LINGO2: variants seen among roughly 807,000 people sequenced by gnomAD.
LINGO2 encodes the protein leucine-rich repeat and immunoglobulin-like domain-containing nogo receptor-interacting protein 2.
Under a neutral mutation model 30.6 loss-of-function variants are expected in LINGO2, and 14 were observed. The observed-to-expected ratio is 0.46, with a 90% confidence interval of 0.30 to 0.72. The LOEUF is 0.72. Ranked by LOEUF, LINGO2 falls within the 30% of genes least tolerant of loss-of-function variation. LINGO2 has a pLI of 0.07. For missense variants in LINGO2, 729 were observed against 751.7 expected (o/e 0.97, Z 0.35); for synonymous variants, 317 against 288.5 (o/e 1.10, Z -1.00).
chr9:29,073,433 A>G, the LINGO2 span, among the ~76,000 whole-genome samples: 1 of 152,172 alleles, frequency 6.6e-6, no homozygotes, highest in Admixed American at 6.6e-5. Flanking sequence ...AAGTCACGGG[A>G]CAAATTCAAC....
At chr9:28,429,596 C>T (rs928241980) in intron 2 of LINGO2, among the ~76,000 whole-genome samples, 1 of 152,096 alleles carries the variant, frequency 6.6e-6, no homozygotes, top group African/African-American at 2.4e-5. Context: ...AGTTGAGACA[C>T]CTGAAATGCT....
the LINGO2 span, among the ~76,000 whole-genome samples, chr9:28,734,946 C>A: frequency 6.6e-6 from 1 of 151,980 alleles, no homozygotes; most frequent in Non-Finnish European, 1.5e-5. Context: ...TTTAAAAATT[C>A]TTTTTGTGTT....
chr9:29,022,812 TATCA>T, the LINGO2 span, among the ~76,000 whole-genome samples: 2 of 152,134 alleles, frequency 1.3e-5, no homozygotes, highest in African/African-American at 2.4e-5. Context: ...TAACAGCACT[TATCA>T]AGGCATTGTT....
upstream of LINGO2, among the ~76,000 whole-genome samples, chr9:28,670,514 C>T (rs187095677): frequency 3.9e-5 from 6 of 152,238 alleles, no homozygotes; most frequent in Non-Finnish European, 8.8e-5. Context: ...TACTGCAAAA[C>T]ATCAAACCAC....
At chr9:28,364,724 A>G (rs576381445) in intron 3 of LINGO2, among the ~76,000 whole-genome samples, 2 of 152,358 alleles carry the variant, frequency 1.3e-5, no homozygotes, top group East Asian at 3.9e-4. Context: ...TAATTCAACA[A>G]GAAAAGAGTC....
intron 3 of LINGO2, among the ~76,000 whole-genome samples, chr9:28,365,349 G>A (rs1247885672): frequency 1.3e-5 from 2 of 152,138 alleles, no homozygotes; most frequent in African/African-American, 4.8e-5. Context: ...ATGCTAAAGA[G>A]CCTGGAATTA....
chr9:28,743,923 T>C, the LINGO2 span, among the ~76,000 whole-genome samples: 5 of 151,690 alleles, frequency 3.3e-5, no homozygotes, highest in Non-Finnish European at 7.4e-5. Context: ...TCTCTTCTTA[T>C]GGTACTTCTG....
intron 5 of LINGO2, among the ~76,000 whole-genome samples, chr9:27,992,503 C>CA (rs570618177): frequency 1.3e-5 from 2 of 150,310 alleles, no homozygotes; most frequent in African/African-American, 2.4e-5. Context: ...AAGGAAAAGC[C>CA]AAAAAAAATT....
intron 4 of LINGO2, among the ~76,000 whole-genome samples, chr9:28,237,450 C>T (rs1821614507): frequency 6.6e-6 from 1 of 152,028 alleles, no homozygotes; most frequent in Non-Finnish European, 1.5e-5. Flanking sequence ...TTATCTGTCA[C>T]TCAATAATAA....
rs1333054060 is a variant in LINGO2, at chr9:28,616,266, TAGTA to T, written c.-365+53930_-365+53933del. Among the ~76,000 whole-genome samples the T allele has an allele frequency of 3.9e-5, 6 of 152,322 alleles. No individual in the cohort carries two copies. In the South Asian group the frequency reaches 1.2e-3, roughly 32 times the overall value. On this transcript the variant is annotated intron_variant, in intron 1 of 5. Transcript: ENST00000379992. ...TATAGTTACCAAAATATACTCTTTC[TAGTA>T]AGTCAACAATAAGCAAAGGAAAGAT...
intron 1 of LINGO2, among the ~76,000 whole-genome samples, chr9:28,523,953 G>A (rs1417290430): frequency 6.6e-6 from 1 of 151,226 alleles, no homozygotes; most frequent in African/African-American, 2.4e-5. Context: ...TGGAAATACA[G>A]GGGATTCAGA....
the LINGO2 span, among the ~76,000 whole-genome samples, chr9:28,801,751 G>T: frequency 1.3e-5 from 2 of 151,978 alleles, no homozygotes; most frequent in African/African-American, 2.4e-5. Context: ...GGAGGATAAG[G>T]GTATGTTAGA....
chr9:29,081,984 G>A, the LINGO2 span, among the ~76,000 whole-genome samples: 55 of 152,196 alleles, frequency 3.6e-4, no homozygotes, highest in African/African-American at 1.1e-3. Context: ...AAACAATATC[G>A]TGAAAATGGC....
chr9:28,797,523 C>T, the LINGO2 span, among the ~76,000 whole-genome samples: 4,349 of 151,016 alleles, frequency 0.029, 87 homozygotes, highest in Middle Eastern at 0.058. Flanking sequence ...GACACTTTGC[C>T]AAAAAGAAGA....
chr9:28,174,906 G>GTA (rs1226167708), intron 4 of LINGO2, among the ~76,000 whole-genome samples: 3 of 138,090 alleles, frequency 2.2e-5, no homozygotes, highest in African/African-American at 8.4e-5. Context: ...CTCTGTGTGT[G>GTA]TGTGTGTGTG....
the LINGO2 span, among the ~76,000 whole-genome samples, chr9:28,734,559 C>A: frequency 6.6e-6 from 1 of 152,070 alleles, no homozygotes; most frequent in African/African-American, 2.4e-5. Context: ...TTCCCAAGGT[C>A]ATACAGCTGC....
chr9:28,775,289 A>C, the LINGO2 span, among the ~76,000 whole-genome samples: 1 of 152,106 alleles, frequency 6.6e-6, no homozygotes, highest in African/African-American at 2.4e-5. Context: ...CCACCACTTG[A>C]TTTTGGAGAA....
chr9:28,242,051 C>T (rs188052191), intron 4 of LINGO2, among the ~76,000 whole-genome samples: 2 of 152,206 alleles, frequency 1.3e-5, no homozygotes, highest in East Asian at 3.9e-4. Context: ...ACCCAAAAGG[C>T]CAGAGTGCCT....
chr9:28,491,208 G>A (rs1826382503), intron 1 of LINGO2, among the ~76,000 whole-genome samples: 1 of 152,186 alleles, frequency 6.6e-6, no homozygotes. Context: ...AAATCAAGGT[G>A]TATGCAGGGC....
Sources: allele counts gnomAD v4.1 joint callset (sites outside exome capture counted in the v4.1 genomes callset), GRCh38; gene constraint gnomAD v4.1.1; transcripts MANE v1.5; gene names NCBI Gene and HGNC (gene_info 2026-07-23, HGNC 2026-07-21).